Variants in PAK1 observed in about 807,000 individuals in gnomAD.
The protein encoded by PAK1 is p21 (RAC1) activated kinase 1, also known as serine/threonine-protein kinase PAK 1.
PAK1 carries 29 observed loss-of-function variants against 67.4 expected under a neutral mutation model. That is an observed-to-expected ratio of 0.43 (90% confidence interval 0.32 to 0.59). PAK1 has a LOEUF of 0.59. Among genes scored for constraint, PAK1 ranks in the 20% least tolerant of loss-of-function variants. The pLI is 0.07. For synonymous variants in PAK1, 223 were observed against 237.4 expected, an observed-to-expected ratio of 0.94 and a Z score of 0.56; for missense variants, 337 against 670.7, an observed-to-expected ratio of 0.50 and a Z score of 5.50.
At chr11:77,527,346 G>A in the PAK1 span, among the ~76,000 whole-genome samples, 1 of 152,062 alleles carries the variant, frequency 6.6e-6, no homozygotes, top group Non-Finnish European at 1.5e-5. Context: ...CAAGTAATCT[G>A]CCCACCTCAG....
chr11:77,396,200 A>G (rs992142531), intron 1 of PAK1, among the ~76,000 whole-genome samples: 5 of 152,220 alleles, frequency 3.3e-5, no homozygotes, highest in Non-Finnish European at 7.3e-5. Context: ...AGATTCCATT[A>G]TTACTTAAAA....
chr11:77,513,086 T>C, the PAK1 span, among the ~76,000 whole-genome samples: 2 of 152,098 alleles, frequency 1.3e-5, no homozygotes, highest in Non-Finnish European at 2.9e-5. Context: ...TGAGACCCTG[T>C]CTCAGAGAAA....
chr11:77,521,454 G>A, the PAK1 span, among the ~76,000 whole-genome samples: 4 of 152,148 alleles, frequency 2.6e-5, no homozygotes, highest in Admixed American at 6.5e-5. Context: ...GCTTGAACCC[G>A]GGAGGTGGAG....
At chr11:77,383,234 T>G (rs1339272441) in intron 2 of PAK1, among the ~76,000 whole-genome samples, 1 of 151,762 alleles carries the variant, frequency 6.6e-6, no homozygotes, top group Non-Finnish European at 1.5e-5. Context: ...AGTACAAGAA[T>G]AGCAATGACT....
chr11:77,356,435 G>C (rs750832630), intron 6 of PAK1: 1 of 152,224 alleles, frequency 6.6e-6, no homozygotes, highest in Non-Finnish European at 1.5e-5. Flanking sequence ...AGGTAGTAGA[G>C]TGTGATGATT....
At chr11:77,402,350 T>C (rs1952818860) in intron 1 of PAK1, among the ~76,000 whole-genome samples, 1 of 152,084 alleles carries the variant, frequency 6.6e-6, no homozygotes, top group Non-Finnish European at 1.5e-5. Context: ...CCCACCCCCA[T>C]CCGCACCTAC....
chr11:77,478,439 C>A (rs1958082823), upstream of PAK1, among the ~76,000 whole-genome samples: 1 of 152,064 alleles, frequency 6.6e-6, no homozygotes, highest in Non-Finnish European at 1.5e-5. Flanking sequence ...GCCATTACTC[C>A]AAAGAGCTCT....
chr11:77,510,936 C>A, the PAK1 span, among the ~76,000 whole-genome samples: 1 of 152,124 alleles, frequency 6.6e-6, no homozygotes, highest in Non-Finnish European at 1.5e-5. Context: ...TTTAACTTAT[C>A]CTTTTTGTTT....
chr11:77,364,928 A>T (rs1477500202), intron 5 of PAK1, among the ~76,000 whole-genome samples: 1 of 152,150 alleles, frequency 6.6e-6, no homozygotes, highest in Non-Finnish European at 1.5e-5. Context: ...TAAACAAGGG[A>T]TTCTATATGG....
chr11:77,513,157 A>C, the PAK1 span, among the ~76,000 whole-genome samples: 1 of 152,182 alleles, frequency 6.6e-6, no homozygotes, highest in Non-Finnish European at 1.5e-5. Context: ...GACTCCAGGT[A>C]AGCAGATAAT....
At chr11:77,439,515 T>C (rs998877498) in intron 1 of PAK1, among the ~76,000 whole-genome samples, 2 of 152,224 alleles carry the variant, frequency 1.3e-5, no homozygotes, top group African/African-American at 4.8e-5. Context: ...AAAGGTTGTG[T>C]TAGATGCCCC....
At chr11:77,343,135 T>C (rs1377951413) in intron 10 of PAK1, among the ~76,000 whole-genome samples, 2 of 152,044 alleles carry the variant, frequency 1.3e-5, no homozygotes, top group African/African-American at 2.4e-5. Context: ...ACAAATATTA[T>C]ATACAACCAC....
At chr11:77,344,047 C>T in intron 9 of PAK1, 116 bp from the exon 10 acceptor site, 2 of 697,450 alleles carry the variant, frequency 2.9e-6, no homozygotes, top group Non-Finnish European at 2.6e-6. Context: ...ACAGTCTTAG[C>T]CCTCGAGTAA....
chr11:77,336,518 T>C (rs1302950326), intron 12 of PAK1, among the ~76,000 whole-genome samples: 2 of 152,216 alleles, frequency 1.3e-5, no homozygotes, highest in Admixed American at 1.3e-4. Context: ...GGCCTCCTAC[T>C]TCTCCTCAAA....
rs571539172 is a variant in PAK1 at position 77,464,773 on chromosome 11, T to C, written c.-22+8779A>G. ...GAACACTTACGTTCACCTACAGTTA[T>C]GCAAAATCATCTAACACAGAGTCTA... On this transcript the variant is annotated intron_variant, in intron 1 of 14. Coordinates refer to ENST00000356341, the MANE Select transcript of PAK1 (RefSeq NM_002576.5). 1.2e-4 allele frequency among the ~76,000 whole-genome samples: 18 copies of C among 152,382 alleles called. No individual in the cohort carries two copies. The South Asian group carries it at 1.7e-3, about 14-fold the overall frequency.
chr11:77,326,736 T>G (rs1939999267), intron 14 of PAK1, among the ~76,000 whole-genome samples: 1 of 151,964 alleles, frequency 6.6e-6, no homozygotes, highest in African/African-American at 2.4e-5. Context: ...GCGCCTCTCC[T>G]CCTCCAAAGG....
intron 5 of PAK1, among the ~76,000 whole-genome samples, chr11:77,365,729 C>A (rs536338114): frequency 1.3e-5 from 2 of 151,178 alleles, no homozygotes; most frequent in Non-Finnish European, 3.0e-5. Flanking sequence ...GCTACTCGGG[C>A]GGCTGAGGCA....
At chr11:77,477,620 C>G (rs1439956395), upstream of PAK1, among the ~76,000 whole-genome samples, 1 of 150,428 alleles carries the variant, frequency 6.6e-6, no homozygotes, top group Non-Finnish European at 1.5e-5. Flanking sequence ...CAGCACACCC[C>G]TATAGTCCCA....
At chr11:77,475,669 C>T (rs1958051037), upstream of PAK1, 1 of 152,180 alleles carries the variant, frequency 6.6e-6, no homozygotes, top group South Asian at 2.1e-4. Context: ...AAATGTCATT[C>T]ATATTCATAT....
Sources: allele counts gnomAD v4.1 joint callset (sites outside exome capture counted in the v4.1 genomes callset), GRCh38; gene constraint gnomAD v4.1.1; transcripts MANE v1.5; gene names NCBI Gene and HGNC (gene_info 2026-07-23, HGNC 2026-07-21).